SCHIP1: variants seen among roughly 807,000 people sequenced by gnomAD.
SCHIP1 encodes schwannomin interacting protein 1.
SCHIP1 carries 8 observed loss-of-function variants against 29.7 expected under a neutral mutation model. That is an observed-to-expected ratio of 0.27 (90% CI 0.16 to 0.49). The LOEUF (loss-of-function observed/expected upper bound fraction) is 0.49, where lower values mean the gene tolerates loss of function less well. Among genes scored for constraint, SCHIP1 ranks in the 20% least tolerant of loss-of-function variants. SCHIP1 has a pLI of 0.99. For missense variants in SCHIP1, 193 were observed against 294.6 expected, an observed-to-expected ratio of 0.66 and a Z score of 2.52; for synonymous variants, 76 against 94.9, an observed-to-expected ratio of 0.80 and a Z score of 1.16.
the SCHIP1 span, among the ~76,000 whole-genome samples, chr3:159,587,224 G>A: frequency 6.6e-6 from 1 of 152,110 alleles, no homozygotes; most frequent in African/African-American, 2.4e-5. Context: ...GCACAATCAA[G>A]TTTAAGAGTT....
At chr3:159,315,393 CTTTT>C in the SCHIP1 span, among the ~76,000 whole-genome samples, 1 of 136,306 alleles carries the variant, frequency 7.3e-6, no homozygotes. Context: ...TATTTTCTTT[CTTTT>C]TTTTTTTTTT....
At chr3:159,301,659 T>C in the SCHIP1 span, among the ~76,000 whole-genome samples, 3 of 152,274 alleles carry the variant, frequency 2.0e-5, no homozygotes, top group African/African-American at 4.8e-5. Flanking sequence ...TGAGATCTGA[T>C]GGTTTAAAAG....
chr3:159,287,960 T>C, the SCHIP1 span, among the ~76,000 whole-genome samples: 11 of 152,364 alleles, frequency 7.2e-5, no homozygotes, highest in Admixed American at 2.0e-4. Flanking sequence ...GGTATTTTTC[T>C]TGACTTCTTT....
chr3:159,535,809 T>C, the SCHIP1 span, among the ~76,000 whole-genome samples: 1 of 152,132 alleles, frequency 6.6e-6, no homozygotes, highest in African/African-American at 2.4e-5. Context: ...TGCTTTCTCA[T>C]ATTATTTGTG....
At chr3:159,474,334 G>A in the SCHIP1 span, among the ~76,000 whole-genome samples, 1 of 152,080 alleles carries the variant, frequency 6.6e-6, no homozygotes. Context: ...ACACAATTAG[G>A]GATGATGGAC....
In SCHIP1 at chr3:159,871,371, G is replaced by A. The variant is rs186493515; in HGVS notation, c.149+5090G>A. On this transcript the variant is annotated intron_variant, in intron 2 of 6. Coordinates refer to ENST00000445224, the Ensembl canonical transcript of SCHIP1. ...CTGATTTGTTTGTTGGGGGGGGTGG[G>A]GGGGGGCTTATTATAACCTAACGTT... Among the ~76,000 whole-genome samples the A allele has an allele frequency of 8.6e-3, 1,015 of 117,416 alleles. 8 individuals carry two copies. Among genetic ancestry groups the A allele is most frequent in the African/African-American group, 0.03 (971 of 32,694 alleles). 77.0% of individuals were successfully genotyped at this position (117,416 alleles called of 152,430 possible).
chr3:159,624,233 G>C, the SCHIP1 span, among the ~76,000 whole-genome samples: 1 of 152,126 alleles, frequency 6.6e-6, no homozygotes, highest in Non-Finnish European at 1.5e-5. Context: ...CCATATTCCA[G>C]ATCAAGAACA....
chr3:159,532,755 G>A, the SCHIP1 span, among the ~76,000 whole-genome samples: 1 of 152,110 alleles, frequency 6.6e-6, no homozygotes, highest in Non-Finnish European at 1.5e-5. Context: ...GCCCCCTGTG[G>A]TCTGAACAGG....
At chr3:159,496,947 C>A in the SCHIP1 span, among the ~76,000 whole-genome samples, 5 of 152,168 alleles carry the variant, frequency 3.3e-5, no homozygotes, top group African/African-American at 1.2e-4. Flanking sequence ...AAGTTCATGT[C>A]CTTTGTAGCG....
chr3:159,896,797 A>G, exon 7 of SCHIP1: 2 of 1,594,770 alleles, frequency 1.3e-6, no homozygotes, highest in Non-Finnish European at 8.5e-7. Context: ...CAACCAGAGA[A>G]CAAGCTAGAA....
At chr3:159,664,639 C>T in the SCHIP1 span, among the ~76,000 whole-genome samples, 908 of 152,226 alleles carry the variant, frequency 6.0e-3, 9 homozygotes, top group African/African-American at 0.021. Flanking sequence ...GTTGCCACAT[C>T]GGAAAGTGTT....
At chr3:159,599,327 G>A in the SCHIP1 span, among the ~76,000 whole-genome samples, 1 of 152,116 alleles carries the variant, frequency 6.6e-6, no homozygotes, top group South Asian at 2.1e-4. Context: ...TTCTTTAGTG[G>A]TGATTTCTGA....
the SCHIP1 span, among the ~76,000 whole-genome samples, chr3:159,518,452 T>C: frequency 6.6e-6 from 1 of 152,164 alleles, no homozygotes; most frequent in Non-Finnish European, 1.5e-5. Context: ...TTTTTCACTA[T>C]TGAATATGTT....
chr3:159,499,746 A>C, the SCHIP1 span, among the ~76,000 whole-genome samples: 1 of 152,244 alleles, frequency 6.6e-6, no homozygotes, highest in African/African-American at 2.4e-5. Flanking sequence ...TAACAAGTGA[A>C]AGGTATTATG....
the SCHIP1 span, among the ~76,000 whole-genome samples, chr3:159,367,805 C>A: frequency 1.3e-5 from 2 of 151,854 alleles, no homozygotes; most frequent in South Asian, 2.1e-4. Flanking sequence ...TTGAATAATG[C>A]AAGAAGTAAT....
chr3:159,493,281 G>T, the SCHIP1 span, among the ~76,000 whole-genome samples: 3 of 152,184 alleles, frequency 2.0e-5, no homozygotes, highest in African/African-American at 4.8e-5. Flanking sequence ...TGGGCTAAAT[G>T]CTCCAATTAA....
At chr3:159,732,726 G>A in the SCHIP1 span, among the ~76,000 whole-genome samples, 15 of 152,160 alleles carry the variant, frequency 9.9e-5, no homozygotes, top group African/African-American at 3.6e-4. Context: ...ATAAGACCGT[G>A]GAGGGATAAG....
chr3:159,400,334 C>A, the SCHIP1 span, among the ~76,000 whole-genome samples: 5 of 152,106 alleles, frequency 3.3e-5, no homozygotes, highest in Non-Finnish European at 5.9e-5. Flanking sequence ...GGTTGAGAGA[C>A]AATTGGTTAA....
the SCHIP1 span, among the ~76,000 whole-genome samples, chr3:159,489,551 T>C: frequency 2.0e-5 from 3 of 152,204 alleles, no homozygotes; most frequent in Admixed American, 2.0e-4. Context: ...TAAGTATGTA[T>C]GCTCTCTGAC....
Sources: allele counts gnomAD v4.1 joint callset (sites outside exome capture counted in the v4.1 genomes callset), GRCh38; gene constraint gnomAD v4.1.1; transcripts MANE v1.5; gene names NCBI Gene and HGNC (gene_info 2026-07-23, HGNC 2026-07-21).